The following NUMB variants were observed in gnomAD, a reference collection of about 807,000 sequenced individuals.
NUMB encodes the protein protein numb homolog.
Under a neutral mutation model 59.7 loss-of-function variants are expected in NUMB, and 29 were observed. The observed-to-expected ratio is 0.49, with a 90% CI of 0.36 to 0.66. The LOEUF (loss-of-function observed/expected upper bound fraction) is 0.66, where lower values mean the gene tolerates loss of function less well. NUMB is among the 30% of genes least tolerant of loss of function. The probability of loss-of-function intolerance (pLI) is 0.00; values close to 1 mark genes in which losing one functional copy is unlikely to be tolerated. For missense variants in NUMB, 723 were observed against 822.0 expected (o/e 0.88, Z 1.47); for synonymous variants, 288 against 288.2 (o/e 1.00, Z 0.01).
intron 8 of NUMB, among the ~76,000 whole-genome samples, chr14:73,288,264 A>C (rs1889143585): frequency 6.6e-6 from 1 of 151,568 alleles, no homozygotes; most frequent in Admixed American, 6.6e-5. Context: ...AATAATAAAA[A>C]AAATTAGGCC....
At chr14:73,360,536 T>G (rs1406642613) in intron 3 of NUMB, among the ~76,000 whole-genome samples, 1 of 151,930 alleles carries the variant, frequency 6.6e-6, no homozygotes, top group African/African-American at 2.4e-5. Flanking sequence ...CCATCCTGGG[T>G]GACAAAGTGA....
At chr14:73,444,863 A>C (rs1219921438) in intron 1 of NUMB, among the ~76,000 whole-genome samples, 1 of 151,616 alleles carries the variant, frequency 6.6e-6, no homozygotes, top group Non-Finnish European at 1.5e-5. Context: ...CTCAAAAAAA[A>C]AAAAAAAAGA....
intron 1 of NUMB, among the ~76,000 whole-genome samples, chr14:73,438,558 G>A (rs1398067013): frequency 3.3e-5 from 5 of 149,456 alleles, no homozygotes; most frequent in African/African-American, 9.8e-5. Flanking sequence ...TTGACCCCGG[G>A]AGGCAGAGAT....
rs552951310 is a variant in NUMB, at chr14:73,368,298, G to A, written c.-100-1317C>T. Among the ~76,000 whole-genome samples the A allele has an allele frequency of 1.6e-3, 240 of 152,106 alleles. 2 individuals are homozygous for A. Among genetic ancestry groups the A allele is most frequent in the Non-Finnish European group, 2.5e-3 (168 of 67,986 alleles). On this transcript the variant is annotated intron_variant, in intron 2 of 12. Coordinates refer to ENST00000555238, the MANE Select transcript of NUMB (RefSeq NM_001005743.2). ...GGTTAGAAACACAGCAATTCGGGCC[G>A]GGCACAGTGGCTCACGCCTGTTAAT...
chr14:73,313,306 C>T (rs1020784774), intron 6 of NUMB, among the ~76,000 whole-genome samples: 1 of 150,810 alleles, frequency 6.6e-6, no homozygotes, highest in Non-Finnish European at 1.5e-5. Context: ...TTTTTGAAAG[C>T]GAAATACTTA....
chr14:73,320,554 A>G (rs1891347406), intron 5 of NUMB, among the ~76,000 whole-genome samples: 1 of 152,200 alleles, frequency 6.6e-6, no homozygotes, highest in Admixed American at 6.5e-5. Context: ...TTTAGTCATT[A>G]AAAACCACAG....
intron 1 of NUMB, chr14:73,457,881 C>A: frequency 6.5e-6 from 1 of 152,694 alleles, no homozygotes; most frequent in Non-Finnish European, 1.5e-5. Context: ...CCAACCCCCT[C>A]CGAGCGTTTC....
intron 11 of NUMB, among the ~76,000 whole-genome samples, chr14:73,279,883 G>C (rs1278530835): frequency 6.6e-6 from 1 of 152,216 alleles, no homozygotes; most frequent in Admixed American, 6.5e-5. Flanking sequence ...TAGGCCAGGT[G>C]TGGTGGCTCA....
intron 1 of NUMB, among the ~76,000 whole-genome samples, chr14:73,422,786 G>A (rs888450337): frequency 2.0e-5 from 3 of 151,934 alleles, no homozygotes; most frequent in Non-Finnish European, 4.4e-5. Flanking sequence ...TCATTCATGA[G>A]GGATCTGCTC....
At chr14:73,296,903 C>T (rs1889812922) in intron 7 of NUMB, among the ~76,000 whole-genome samples, 1 of 152,128 alleles carries the variant, frequency 6.6e-6, no homozygotes, top group African/African-American at 2.4e-5. Flanking sequence ...CGCAGTGGCT[C>T]ACACCTGTAA....
At chr14:73,277,829 G>A (rs1168796913) in intron 12 of NUMB, among the ~76,000 whole-genome samples, 2 of 151,932 alleles carry the variant, frequency 1.3e-5, no homozygotes, top group African/African-American at 4.8e-5. Flanking sequence ...AGGCCGAGGT[G>A]GGCAGATCAC....
chr14:73,441,634 T>C (rs113227167), intron 1 of NUMB, among the ~76,000 whole-genome samples: 254 of 152,166 alleles, frequency 1.7e-3, no homozygotes, highest in African/African-American at 6.0e-3. Flanking sequence ...CCCAACACTT[T>C]GGGAGGCGAG....
At chr14:73,361,437 T>C (rs1314486519) in intron 3 of NUMB, among the ~76,000 whole-genome samples, 2 of 152,204 alleles carry the variant, frequency 1.3e-5, no homozygotes, top group Admixed American at 1.3e-4. Flanking sequence ...TTCCTTTGAT[T>C]TTTTTGATGT....
At chr14:73,417,590 T>G (rs1238630173) in intron 1 of NUMB, among the ~76,000 whole-genome samples, 1 of 151,964 alleles carries the variant, frequency 6.6e-6, no homozygotes, top group Non-Finnish European at 1.5e-5. Flanking sequence ...AAAATACATC[T>G]ATAATGTAAA....
chr14:73,438,065 T>C (rs1011756143), intron 1 of NUMB, among the ~76,000 whole-genome samples: 1 of 152,252 alleles, frequency 6.6e-6, no homozygotes, highest in Non-Finnish European at 1.5e-5. Flanking sequence ...TCATACACTG[T>C]TAATGGAAAT....
intron 4 of NUMB, among the ~76,000 whole-genome samples, chr14:73,334,424 A>G (rs1892176809): frequency 6.6e-6 from 1 of 152,146 alleles, no homozygotes; most frequent in Admixed American, 6.5e-5. Context: ...ATTTTCCTAT[A>G]TACTCTGGTA....
At chr14:73,362,328 T>G (rs774687380) in intron 3 of NUMB, among the ~76,000 whole-genome samples, 3 of 151,902 alleles carry the variant, frequency 2.0e-5, no homozygotes, top group Non-Finnish European at 4.4e-5. Flanking sequence ...GTAAGATGTA[T>G]CCCAATGGGA....
chr14:73,300,069 T>TA (rs1217784069), intron 6 of NUMB, among the ~76,000 whole-genome samples: 1 of 150,174 alleles, frequency 6.7e-6, no homozygotes, highest in East Asian at 1.9e-4. Context: ...AATAAACTTT[T>TA]AAAAACCTCT....
At chr14:73,342,895 A>G (rs1165988392) in intron 4 of NUMB, among the ~76,000 whole-genome samples, 2 of 152,124 alleles carry the variant, frequency 1.3e-5, no homozygotes, top group East Asian at 3.8e-4. Context: ...CCCAGTCAGG[A>G]GTGCAGTGAT....
Sources: gnomAD v4.1 joint callset for allele counts (sites outside exome capture counted in the v4.1 genomes callset) on GRCh38, gnomAD v4.1.1 for gene constraint, MANE v1.5 for transcripts, NCBI Gene and HGNC (gene_info 2026-07-23, HGNC 2026-07-21) for gene names.